Variants in ZNF92 observed in about 807,000 individuals in gnomAD.
The protein encoded by ZNF92 is epididymis luminal protein 203.
ZNF92 carries 11 observed loss-of-function variants against 12.4 expected under a neutral mutation model. The observed-to-expected ratio is 0.89, with a 90% CI of 0.56 to 1.47. The LOEUF is 1.47. Among genes scored for constraint, ZNF92 ranks in the 40% most tolerant of loss-of-function variants. The pLI, the probability that ZNF92 is intolerant of heterozygous loss-of-function variation, is 0.00. For missense variants in ZNF92, 622 were observed against 681.0 expected, an observed-to-expected ratio of 0.91 and a Z score of 0.96; for synonymous variants, 206 against 228.6, an observed-to-expected ratio of 0.90 and a Z score of 0.89.
At chr7:65,392,008 G>A (rs1433274430) in intron 3 of ZNF92, among the ~76,000 whole-genome samples, 1 of 152,058 alleles carries the variant, frequency 6.6e-6, no homozygotes, top group Non-Finnish European at 1.5e-5. Context: ...TTTGTTTAGT[G>A]TAGGTTTCTT....
At chr7:65,378,598 T>C (rs10244518) in intron 1 of ZNF92, among the ~76,000 whole-genome samples, 41,965 of 151,384 alleles carry the variant, frequency 0.28, 7,593 homozygotes, top group African/African-American at 0.49. Context: ...AAAAAGTAGC[T>C]GGGCGTGGTG....
At chr7:65,383,385 G>A (rs1793476686) in intron 1 of ZNF92, among the ~76,000 whole-genome samples, 1 of 152,118 alleles carries the variant, frequency 6.6e-6, no homozygotes, top group Non-Finnish European at 1.5e-5. Flanking sequence ...ATCTTCACAT[G>A]TCTGGCCTGG....
chr7:65,374,605 G>C (rs1410943127), intron 1 of ZNF92, among the ~76,000 whole-genome samples: 1 of 151,974 alleles, frequency 6.6e-6, no homozygotes, highest in Non-Finnish European at 1.5e-5. Context: ...TATGATTAAG[G>C]TAGAAATTTC....
chr7:65,378,719 G>A (rs925356353), intron 1 of ZNF92, among the ~76,000 whole-genome samples: 2 of 150,858 alleles, frequency 1.3e-5, no homozygotes, highest in African/African-American at 4.9e-5. Flanking sequence ...TCCAGCCTGG[G>A]CGACAGAGCA....
intron 3 of ZNF92, among the ~76,000 whole-genome samples, chr7:65,394,202 T>C (rs150385745): frequency 2.6e-5 from 4 of 152,046 alleles, no homozygotes; most frequent in African/African-American, 9.6e-5. Context: ...TAGTTTTTTT[T>C]ATGTCTAAGT....
chr7:65,386,208 C>T (rs544836020), intron 1 of ZNF92, among the ~76,000 whole-genome samples: 10 of 151,930 alleles, frequency 6.6e-5, no homozygotes, highest in East Asian at 1.9e-4. Flanking sequence ...TTGGTAGAGA[C>T]GGGGTTTCAC....
chr7:65,391,965 C>A (rs988390505), intron 3 of ZNF92, among the ~76,000 whole-genome samples: 2 of 151,986 alleles, frequency 1.3e-5, no homozygotes, highest in African/African-American at 4.8e-5. Context: ...GTAAACATTT[C>A]TTTTAATGTT....
chr7:65,382,568 T>C (rs541970192), intron 1 of ZNF92, among the ~76,000 whole-genome samples: 8 of 152,236 alleles, frequency 5.3e-5, no homozygotes, highest in East Asian at 1.9e-4. Context: ...ACCAAATTTC[T>C]AAATACTTCA....
chr7:65,396,555 A>G (rs1160475677), intron 3 of ZNF92, among the ~76,000 whole-genome samples: 1 of 152,162 alleles, frequency 6.6e-6, no homozygotes, highest in Non-Finnish European at 1.5e-5. Context: ...TTGATGCTCC[A>G]TCATTATGAT....
chr7:65,389,569 T>G (rs1793658527), intron 3 of ZNF92, among the ~76,000 whole-genome samples: 2 of 151,874 alleles, frequency 1.3e-5, no homozygotes, highest in Non-Finnish European at 2.9e-5. Context: ...CAGGCTGGAG[T>G]GCAGTGGCGC....
chr7:65,376,724 C>T (rs1056762860), intron 1 of ZNF92, among the ~76,000 whole-genome samples: 1 of 152,120 alleles, frequency 6.6e-6, no homozygotes, highest in East Asian at 1.9e-4. Context: ...GGATTACAGG[C>T]GTGAGCCACC....
intron 1 of ZNF92, among the ~76,000 whole-genome samples, chr7:65,379,379 G>A (rs1261847378): frequency 6.6e-6 from 1 of 152,098 alleles, no homozygotes; most frequent in Non-Finnish European, 1.5e-5. Context: ...GGAACTCTGG[G>A]TGTCTGGGAA....
At chr7:65,388,144 C>A in intron 2 of ZNF92, 116 bp downstream of exon 2, 2 of 1,170,734 alleles carry the variant, frequency 1.7e-6, no homozygotes, top group Non-Finnish European at 2.3e-6. Flanking sequence ...TCCCAGTTTT[C>A]AAGAAAACAG....
chr7:65,397,243 T>A (rs758172185), intron 3 of ZNF92, among the ~76,000 whole-genome samples: 8 of 152,122 alleles, frequency 5.3e-5, no homozygotes, highest in Non-Finnish European at 1.0e-4. Flanking sequence ...TCTCTTCTTG[T>A]CTGTAACTTC....
At chr7:65,386,072 T>C (rs1001297122) in intron 1 of ZNF92, among the ~76,000 whole-genome samples, 1 of 152,100 alleles carries the variant, frequency 6.6e-6, no homozygotes, top group Non-Finnish European at 1.5e-5. Flanking sequence ...CAGGCTGGAG[T>C]GCAGCGGCAT....
chr7:65,378,412 A>G (rs1253712454), intron 1 of ZNF92, among the ~76,000 whole-genome samples: 2 of 152,044 alleles, frequency 1.3e-5, no homozygotes, highest in Non-Finnish European at 2.9e-5. Context: ...CTCAAAGCGC[A>G]GGAGTTGGTG....
chr7:65,375,655 C>T (rs952142707), intron 1 of ZNF92, among the ~76,000 whole-genome samples: 8 of 151,718 alleles, frequency 5.3e-5, no homozygotes, highest in Non-Finnish European at 8.8e-5. Flanking sequence ...CGAGACCATC[C>T]TGGCCAATAT....
Position 65,388,243 on chromosome 7 carries a change from T to C in ZNF92, c.130+215T>C, listed in dbSNP as rs977700777. 1.0e-4 allele frequency: 34 copies of C among 335,378 alleles called. 1 individual carries two copies. The highest frequency in any genetic ancestry group is 1.7e-4 in the Non-Finnish European group (32 of 189,056). 20.8% of individuals were successfully genotyped at this position (335,378 alleles called of 1,614,324 possible). On this transcript the variant is annotated intron_variant, in intron 2 of 3. Transcript: ENST00000328747. ...TCCTGAGCTGATCTATATCCTTCAC[T>C]CTAAATTAGTGGTAATTCCAGAAAT...
At chr7:65,386,045 A>G (rs748554616) in intron 1 of ZNF92, among the ~76,000 whole-genome samples, 1 of 152,030 alleles carries the variant, frequency 6.6e-6, no homozygotes, top group Non-Finnish European at 1.5e-5. Context: ...TTTGAGAAGG[A>G]ATCTCACTCT....
Sources: allele counts gnomAD v4.1 joint callset (sites outside exome capture counted in the v4.1 genomes callset), GRCh38; gene constraint gnomAD v4.1.1; transcripts MANE v1.5; gene names NCBI Gene and HGNC (gene_info 2026-07-23, HGNC 2026-07-21).